Variants in BHLHE40 observed in about 807,000 individuals in gnomAD.
The protein encoded by BHLHE40 is class E basic helix-loop-helix protein 40.
BHLHE40 carries 3 observed loss-of-function variants against 35.7 expected under a neutral mutation model. The observed-to-expected ratio is 0.08, with a 90% confidence interval of 0.04 to 0.22. BHLHE40 has a LOEUF of 0.22. Among genes scored for constraint, BHLHE40 ranks in the 10% least tolerant of loss-of-function variants. The pLI is 1.00. For missense variants in BHLHE40, 486 were observed against 524.0 expected, an observed-to-expected ratio of 0.93 and a Z score of 0.71; for synonymous variants, 236 against 213.0, an observed-to-expected ratio of 1.11 and a Z score of -0.94.
chr3:4,981,171 A>AT (rs2053191352), intron 3 of BHLHE40, among the ~76,000 whole-genome samples: 1 of 103,178 alleles, frequency 9.7e-6, no homozygotes, highest in South Asian at 3.2e-4. Flanking sequence ...TTATATATAT[A>AT]TATTATATAT....
chr3:4,979,580 G>T lies in BHLHE40; in HGVS notation c.-139G>T. 1.1e-6 allele frequency: 1 copy of T among 879,226 alleles called. No individual in the cohort carries two copies. 54.5% of individuals were successfully genotyped at this position (879,226 alleles called of 1,614,324 possible). Reference sequence around the variant, plus strand: ...CTGCATCTCAAAGCCGAAGATTCCAGCAGCCCAGGGGATTTCAAAGAGCTC... The same window carrying T: ...CTGCATCTCAAAGCCGAAGATTCCATCAGCCCAGGGGATTTCAAAGAGCTC... On this transcript the variant is annotated 5_prime_UTR_variant, in exon 1 of 5. Transcript: ENST00000256495.
intron 3 of BHLHE40, 83 bp downstream of exon 3, chr3:4,980,491 G>A (rs2053182844): frequency 4.3e-6 from 5 of 1,156,826 alleles, no homozygotes; most frequent in Admixed American, 1.9e-5. Flanking sequence ...GGTTCCGCGG[G>A]GAACTGCAGA....
Position 4,980,284 on chromosome 3 carries a change from C to A in BHLHE40, c.151-17C>A. 1 of 1,610,642 alleles carries A rather than the reference C, an allele frequency of 6.2e-7. No individual in the cohort carries two copies. The highest frequency in any genetic ancestry group is 1.1e-5 in the South Asian group (1 of 90,948). On this transcript the variant is annotated splice_polypyrimidine_tract_variant and intron_variant, in intron 2 of 4. Transcript: ENST00000256495. ...CTCCTTCCCCAAGCGCCCACCGCCT[C>A]CCCGTGCGTCTTGCAGGAGACCTAC...
chr3:4,983,852 G>A lies in BHLHE40; in HGVS notation c.*160G>A, dbSNP rs888597035. 4.2e-6 allele frequency: 4 copies of A among 951,746 alleles called. No homozygotes were observed. The highest frequency in any genetic ancestry group is 6.1e-6 in the Non-Finnish European group (4 of 655,336). 59.0% of individuals were successfully genotyped at this position (951,746 alleles called of 1,614,324 possible). A position where few individuals can be genotyped will look rare whatever the true frequency, so the allele number is the denominator to read the frequency against. On this transcript the variant is annotated 3_prime_UTR_variant, in exon 5 of 5. Transcript: ENST00000256495. The surrounding 1 kb of genome is among the most constrained non-coding windows in gnomAD (Gnocchi z 5.0). ...AGGGTGTGTGTGTGTGTGTGTGTGT[G>A]TGTATGTGCGTGTGCGTGCACATGT... is the stretch of plus-strand genomic sequence containing the variant.
In BHLHE40 at chr3:4,981,418, G is replaced by A. The variant is rs1272095152; in HGVS notation, c.285G>A (p.Val95=). 6.2e-7 allele frequency: 1 copy of A among 1,613,868 alleles called. No homozygotes were observed. The highest frequency in any genetic ancestry group is 8.5e-7 in the Non-Finnish European group (1 of 1,179,896). The change falls in exon 4 of 5, where the codon GTG becomes GTA. Residue 95 remains valine (V), a synonymous_variant. Transcript: ENST00000256495. ...CTTTGGGTCACTTGGAAAAAGCAGT[G>A]GTTCTTGAACTTACCTTGAAGCATG... ...LTTLGHLEKA[V]VLELTLKHVK...
chr3:4,983,410 T>C lies in BHLHE40; in HGVS notation c.957T>C (p.Pro319=). 1.2e-6 allele frequency: 2 copies of C among 1,614,134 alleles called. No individual in the cohort carries two copies. The part of the protein sequence containing the change: ...SPFLGPHPHQ[P]PFCLPFYLIP... ...TCCTGGGCCCACACCCACACCAGCC[T>C]CCTTTCTGCCTGCCCTTCTACCTGA... is the stretch of plus-strand genomic sequence containing the variant. Residue 319 remains proline (P), a synonymous_variant, in exon 5 of 5, where the codon CCT becomes CCC. Transcript: ENST00000256495. This position sits in a 1 kb window ranked among gnomAD's most constrained non-coding sequence, Gnocchi z 5.0.
In BHLHE40 at chr3:4,983,488, C is replaced by G. The variant is rs2053220012; in HGVS notation, c.1035C>G (p.Pro345=). The G allele has an allele frequency of 1.2e-6, 2 of 1,614,140 alleles. No individual in the cohort carries two copies. The highest frequency in any genetic ancestry group is 2.2e-5 in the East Asian group (1 of 44,878). ...YLPMLEKCWY[P]TSVPVLYPGL... ...CCATGCTGGAGAAGTGCTGGTATCC[C>G]ACCTCAGTGCCAGTGCTATACCCAG... Residue 345 remains proline (P), a synonymous_variant, in exon 5 of 5, where the codon CCC becomes CCG. Transcript: ENST00000256495. The surrounding 1 kb of genome is among the most constrained non-coding windows in gnomAD (Gnocchi z 5.0).
In BHLHE40 at chr3:4,980,311, A is replaced by G; in HGVS notation, c.161A>G (p.Lys54Arg). 1 of 1,614,030 alleles carries G rather than the reference A, an allele frequency of 6.2e-7. No homozygotes were observed. The highest frequency in any genetic ancestry group is 8.5e-7 in the Non-Finnish European group (1 of 1,179,974). The change falls in exon 3 of 5, where the codon AAA becomes AGA. Residue 54 changes from lysine to arginine, a missense_variant. Lys to Arg is a conservative substitution (Grantham distance 26). Coordinates refer to ENST00000256495, the MANE Select transcript of BHLHE40 (RefSeq NM_003670.3). ...CCGTGCGTCTTGCAGGAGACCTACA[A>G]ATTGCCGCACCGGCTCATCGAGAAA... is the stretch of plus-strand genomic sequence containing the variant. ...KRSEDSKETY[K>R]LPHRLIEKKR...
In BHLHE40 at chr3:4,983,749, A is replaced by T; in HGVS notation, c.*57A>T. ...CTTCCTCGCTACTTCCTAAAAAGCA[A>T]CAAAAAAGTTTTTGTGAATGCTGCA... is the stretch of plus-strand genomic sequence containing the variant. On this transcript the variant is annotated 3_prime_UTR_variant, in exon 5 of 5. Transcript: ENST00000256495. This position sits in a 1 kb window ranked among gnomAD's most constrained non-coding sequence, Gnocchi z 5.0. The T allele has an allele frequency of 2.6e-6, 4 of 1,522,280 alleles. No individual in the cohort carries two copies. The highest frequency in any genetic ancestry group is 3.5e-6 in the Non-Finnish European group (4 of 1,141,796). The allele number at this position is 1,522,280 out of a possible 1,614,324, so 94.3% of individuals were successfully genotyped here. A position where few individuals can be genotyped will look rare whatever the true frequency, so the allele number is the denominator to read the frequency against.
rs1288308921 is a variant in BHLHE40 at position 4,984,046 on chromosome 3, A to G, written c.*354A>G. ...CATCAGCTGGATTTTCAAAAGCTTC[A>G]AAGTCTTGGTCTGTGAGTCACTCTT... On this transcript the variant is annotated 3_prime_UTR_variant, in exon 5 of 5. Coordinates refer to ENST00000256495, the MANE Select transcript of BHLHE40 (RefSeq NM_003670.3). The G allele has an allele frequency of 4.7e-6, 1 of 212,572 alleles. No homozygotes were observed. The highest frequency in any genetic ancestry group is 1.1e-4 in the East Asian group (1 of 8,750). The allele number at this position is 212,572 out of a possible 1,614,324, so 13.2% of individuals were successfully genotyped here.
rs1267330135 is a variant in BHLHE40 at position 4,984,000 on chromosome 3, A to G, written c.*308A>G. 2 of 343,466 alleles carry G rather than the reference A, an allele frequency of 5.8e-6. No homozygotes were observed. The highest frequency in any genetic ancestry group is 1.1e-5 in the Non-Finnish European group (2 of 187,804). 21.3% of individuals were successfully genotyped at this position (343,466 alleles called of 1,614,324 possible). A position where few individuals can be genotyped will look rare whatever the true frequency, so the allele number is the denominator to read the frequency against. On this transcript the variant is annotated 3_prime_UTR_variant, in exon 5 of 5. Coordinates refer to ENST00000256495, the MANE Select transcript of BHLHE40 (RefSeq NM_003670.3). The surrounding 1 kb of genome is among the most constrained non-coding windows in gnomAD (Gnocchi z 5.0). ...GACGTCTGGGCTTTTCCCCACCCAG[A>G]GAATAGCCCCCTTCGATACACATCA...
At position 4,979,763 on chromosome 3, in the gene BHLHE40, C is replaced by T. The variant is rs1450588896; in HGVS notation, c.45C>T (p.Pro15=). 17 of 1,586,998 alleles carry T rather than the reference C, an allele frequency of 1.1e-5. No individual in the cohort carries two copies. Among genetic ancestry groups the T allele is most frequent in the African/African-American group, 1.3e-5 (1 of 74,162 alleles). ...PSAQPPPACL[P]KAPGLEHGDL... Reference sequence around the variant, plus strand: ...CGCAACCACCCCCCGCCTGCCTGCCCAAAGCACCGGGACTGGAGCACGGAG... The same window carrying T: ...CGCAACCACCCCCCGCCTGCCTGCCTAAAGCACCGGGACTGGAGCACGGAG... The change falls in exon 1 of 5, where the codon CCC becomes CCT. Residue 15 remains proline (P), a synonymous_variant. Coordinates refer to ENST00000256495, the MANE Select transcript of BHLHE40 (RefSeq NM_003670.3).
At chr3:4,981,295 A>G in intron 3 of BHLHE40, 97 bp from the exon 4 acceptor site, 1 of 1,428,540 alleles carries the variant, frequency 7.0e-7, no homozygotes, top group Non-Finnish European at 9.5e-7. Context: ...ACACTATTCC[A>G]CTTTTTTTTT....
rs2053167759 is a variant in BHLHE40, at chr3:4,979,451, C to T, written c.-268C>T. ...CCCCACTTCTCATTCACTTGGCTCG[C>T]ACGGCGCAGACAGACCGCGCAGGGA... On this transcript the variant is annotated 5_prime_UTR_variant, in exon 1 of 5. Transcript: ENST00000256495. The T allele has an allele frequency of 3.3e-5, 8 of 239,436 alleles. No homozygotes were observed. The highest frequency in any genetic ancestry group is 6.5e-5 in the Non-Finnish European group (8 of 123,416). 14.8% of individuals were successfully genotyped at this position (239,436 alleles called of 1,614,324 possible).
At position 4,979,999 on chromosome 3, in the gene BHLHE40, A is replaced by G; in HGVS notation, c.118A>G (p.Arg40Gly). The G allele has an allele frequency of 6.2e-7, 1 of 1,614,200 alleles. No individual in the cohort carries two copies. The highest frequency in any genetic ancestry group is 8.5e-7 in the Non-Finnish European group (1 of 1,180,028). The change falls in exon 2 of 5, where the codon AGA becomes GGA. Residue 40 changes from arginine (R) to glycine (G), a missense_variant. Arg to Gly is a moderately radical substitution (Grantham distance 125). This residue lies in a region of BHLHE40 where 87 missense variants were observed against 66.7 expected (regional missense o/e 1.30). Transcript: ENST00000256495. ...PAHMYQVYKS[R>G]RGIKRSEDSK... Reference sequence around the variant, plus strand: ...CCACATGTACCAAGTGTACAAGTCAAGACGGGGAATAAAGCGGAGCGAGGA... The same window carrying G: ...CCACATGTACCAAGTGTACAAGTCAGGACGGGGAATAAAGCGGAGCGAGGA...
Position 4,983,788 on chromosome 3 carries a change from G to A in BHLHE40, c.*96G>A. On this transcript the variant is annotated 3_prime_UTR_variant, in exon 5 of 5. Coordinates refer to ENST00000256495, the MANE Select transcript of BHLHE40 (RefSeq NM_003670.3). The surrounding 1 kb of genome is among the most constrained non-coding windows in gnomAD (Gnocchi z 5.0). ...GTGAATGCTGCAAGATTGTTGCATT[G>A]TGTATACTGAGATAATCTGAGGCAT... is the stretch of plus-strand genomic sequence containing the variant. The A allele has an allele frequency of 7.0e-7, 1 of 1,429,354 alleles. No individual in the cohort carries two copies. The highest frequency in any genetic ancestry group is 9.4e-7 in the Non-Finnish European group (1 of 1,065,662). The allele number at this position is 1,429,354 out of a possible 1,614,324, so 88.5% of individuals were successfully genotyped here.
intron 3 of BHLHE40, 78 bp downstream of exon 3, chr3:4,980,486 C>CGCG (rs1276951652): frequency 2.1e-5 from 26 of 1,217,612 alleles, no homozygotes; most frequent in African/African-American, 3.0e-5. Context: ...CTGCAGGTTC[C>CGCG]GCGGGGAACT....
Position 4,982,987 on chromosome 3 carries a change from G to A in BHLHE40, c.534G>A (p.Val178=), listed in dbSNP as rs1478796805. The change falls in exon 5 of 5, where the codon GTG becomes GTA. Residue 178 remains valine (V), a synonymous_variant. Coordinates refer to ENST00000256495, the MANE Select transcript of BHLHE40 (RefSeq NM_003670.3). ...AGCTTGTCACCCACCTCCACCGGGT[G>A]GTCTCGGAGCTGCTGCAGGGTGGTA... The part of the protein sequence containing the change: ...SSQLVTHLHR[V]VSELLQGGTS... 3 of 1,613,028 alleles carry A rather than the reference G, an allele frequency of 1.9e-6. No individual in the cohort carries two copies. Among genetic ancestry groups the A allele is most frequent in the Non-Finnish European group, 2.5e-6 (3 of 1,179,186 alleles).
chr3:4,983,025 C>T lies in BHLHE40; in HGVS notation c.572C>T (p.Pro191Leu), dbSNP rs2053211459. The part of the protein sequence containing the change: ...ELLQGGTSRK[P>L]SDPAPKVMDF... ...CTGCAGGGTGGTACCTCCAGGAAGC[C>T]ATCAGACCCAGCTCCCAAAGTGATG... Residue 191 changes from proline to leucine, a missense_variant, in exon 5 of 5, where the codon CCA becomes CTA. This residue lies in a region of BHLHE40 where 176 missense variants were observed against 180.5 expected (regional missense o/e 0.98). Transcript: ENST00000256495. The surrounding 1 kb of genome is among the most constrained non-coding windows in gnomAD (Gnocchi z 5.0). The T allele has an allele frequency of 6.2e-7, 1 of 1,613,876 alleles. No homozygotes were observed. The highest frequency in any genetic ancestry group is 8.5e-7 in the Non-Finnish European group (1 of 1,179,918).
Sources: allele counts gnomAD v4.1 joint callset (sites outside exome capture counted in the v4.1 genomes callset), GRCh38; gene constraint gnomAD v4.1.1; regional missense constraint gnomAD v4.1.1; non-coding constraint Gnocchi (gnomAD v3.1); transcripts MANE v1.5; gene names NCBI Gene and HGNC (gene_info 2026-07-23, HGNC 2026-07-21).